The following GSTK1 variants were observed in gnomAD, a reference collection of about 807,000 sequenced individuals.
The protein encoded by GSTK1 is glutathione S-transferase kappa 1, also known as GST class-kappa.
GSTK1 carries 25 observed loss-of-function variants against 30.9 expected under a neutral mutation model. The observed-to-expected ratio is 0.81, with a 90% confidence interval of 0.59 to 1.13. GSTK1 has a LOEUF of 1.13. Among genes scored for constraint, GSTK1 ranks in the 50% most tolerant of loss-of-function variants. The probability of loss-of-function intolerance (pLI) is 0.00; values close to 1 mark genes in which losing one functional copy is unlikely to be tolerated. For synonymous variants in GSTK1, 108 were observed against 112.5 expected (o/e 0.96, Z 0.25); for missense variants, 292 against 292.4 (o/e 1.00, Z 0.01).
intron 4 of GSTK1, 76 bp from the exon 5 acceptor site, chr7:143,265,185 G>GC (rs771944896): frequency 6.8e-6 from 11 of 1,607,142 alleles, no homozygotes; most frequent in Admixed American, 5.1e-5. Context: ...TCCTGCCCCC[G>GC]CCCGGGGGAT....
chr7:143,268,709 C>T lies in GSTK1; in HGVS notation c.632-79C>T. The stretch of plus-strand genomic sequence containing the variant: ...CAAGCAAAAGTCTTTCTAGAAAACC[C>T]CTGGGACCTTGTGGGACCAACTCCT... On this transcript the variant is annotated intron_variant, in intron 7 of 7. Transcript: ENST00000358406. This position sits in a 1 kb window ranked among gnomAD's most constrained non-coding sequence, Gnocchi z 4.1. 1 of 1,309,158 alleles carries T rather than the reference C, an allele frequency of 7.6e-7. No homozygotes were observed. The highest frequency in any genetic ancestry group is 2.3e-5 in the East Asian group (1 of 43,400). The allele number at this position is 1,309,158 out of a possible 1,614,324, so 81.1% of individuals were successfully genotyped here.
At chr7:143,267,305 A>G (rs1170817685) in intron 5 of GSTK1, among the ~76,000 whole-genome samples, 1 of 152,206 alleles carries the variant, frequency 6.6e-6, no homozygotes, top group Non-Finnish European at 1.5e-5. Context: ...TGAGCAAGTA[A>G]TGTATCACCT....
chr7:143,264,214 A>G (rs374021895), intron 2 of GSTK1, 47 bp downstream of exon 2: 1 of 1,503,184 alleles, frequency 6.7e-7, no homozygotes, highest in Non-Finnish European at 9.3e-7. Flanking sequence ...GGCCCAAGAG[A>G]GCCGACCCCA....
At chr7:143,267,494 T>C (rs1181250305) in intron 5 of GSTK1, 123 bp from the exon 6 acceptor site, 3 of 715,110 alleles carry the variant, frequency 4.2e-6, no homozygotes, top group African/African-American at 3.5e-5. Flanking sequence ...TCTCCACTTG[T>C]GGGTGGGTAA....
At chr7:143,266,066 T>C (rs1800870893) in intron 5 of GSTK1, among the ~76,000 whole-genome samples, 1 of 144,638 alleles carries the variant, frequency 6.9e-6, no homozygotes, top group Non-Finnish European at 1.5e-5. Context: ...GGTCTGGCTC[T>C]GTCGCCCAGG....
intron 3 of GSTK1, 56 bp downstream of exon 3, chr7:143,264,732 T>C (rs1011044671): frequency 1.0e-4 from 165 of 1,603,284 alleles, no homozygotes; most frequent in Non-Finnish European, 1.3e-4. Flanking sequence ...AAGTCGGAGA[T>C]TGAGGGATTG....
rs1043618696 is a variant in GSTK1 at position 143,268,707 on chromosome 7, C to T, written c.632-81C>T. ...GCCAAGCAAAAGTCTTTCTAGAAAA[C>T]CCCTGGGACCTTGTGGGACCAACTC... On this transcript the variant is annotated intron_variant, in intron 7 of 7. Coordinates refer to ENST00000358406, the MANE Select transcript of GSTK1 (RefSeq NM_015917.3). This position sits in a 1 kb window ranked among gnomAD's most constrained non-coding sequence, Gnocchi z 4.1. The T allele has an allele frequency of 3.1e-6, 4 of 1,277,918 alleles. No individual in the cohort carries two copies. In the African/African-American group the frequency reaches 4.4e-5, roughly 14 times the overall value. The allele number at this position is 1,277,918 out of a possible 1,614,324, so 79.2% of individuals were successfully genotyped here.
At position 143,263,566 on chromosome 7, in the gene GSTK1, A is replaced by G; in HGVS notation, c.53A>G (p.Tyr18Cys). 6 of 1,608,998 alleles carry G rather than the reference A, an allele frequency of 3.7e-6. No individual in the cohort carries two copies. Among genetic ancestry groups the G allele is most frequent in the Non-Finnish European group, 5.1e-6 (6 of 1,179,748 alleles). ...CTCTTCTATGACGTGCTGTCCCCCT[A>G]CTCCTGGCTGGGCTTCGAGGTGACG... ...VELFYDVLSP[Y>C]SWLGFEILCR... The change falls in exon 1 of 8, where the codon TAC becomes TGC. Residue 18 changes from tyrosine to cysteine, a missense_variant. By Grantham distance (194) the Tyr-to-Cys change is radical. Transcript: ENST00000358406.
At position 143,268,074 on chromosome 7, in the gene GSTK1, G is replaced by C. The variant is rs1402671857; in HGVS notation, c.538-17G>C. On this transcript the variant is annotated splice_polypyrimidine_tract_variant and intron_variant, in intron 6 of 7. Transcript: ENST00000358406. This position sits in a 1 kb window ranked among gnomAD's most constrained non-coding sequence, Gnocchi z 4.1. ...GCTCCTTTGCCTTCCTCCTTGCATT[G>C]TAACTGCTTTCTCCAGGCCTTTGGG... is the stretch of plus-strand genomic sequence containing the variant. 1 of 1,601,362 alleles carries C rather than the reference G, an allele frequency of 6.2e-7. No individual in the cohort carries two copies. The highest frequency in any genetic ancestry group is 1.7e-5 in the Admixed American group (1 of 58,724).
At chr7:143,264,409 A>G (rs1015226735) in intron 2 of GSTK1, 139 bp from the exon 3 acceptor site, 2 of 918,476 alleles carry the variant, frequency 2.2e-6, no homozygotes, top group Non-Finnish European at 3.4e-6. Flanking sequence ...GCACCATTGC[A>G]CTCCAGCCTG....
chr7:143,265,185 G>C (rs767532962), intron 4 of GSTK1, 76 bp from the exon 5 acceptor site: 1 of 1,607,142 alleles, frequency 6.2e-7, no homozygotes, highest in Admixed American at 1.7e-5. Context: ...TCCTGCCCCC[G>C]CCCGGGGGAT....
chr7:143,263,656 C>G, intron 1 of GSTK1, 71 bp downstream of exon 1: 2 of 1,431,808 alleles, frequency 1.4e-6, no homozygotes, highest in Non-Finnish European at 1.9e-6. Context: ...GCGCAGGGCT[C>G]CGGGACAGAG....
intron 5 of GSTK1, 101 bp from the exon 6 acceptor site, chr7:143,267,516 G>A: frequency 5.5e-6 from 5 of 902,998 alleles, no homozygotes; most frequent in Non-Finnish European, 9.0e-6. Flanking sequence ...GGCATTGCCA[G>A]CAAAACTTGG....
At chr7:143,265,345 C>T in intron 5 of GSTK1, 49 bp downstream of exon 5, 1 of 1,492,140 alleles carries the variant, frequency 6.7e-7, no homozygotes, top group East Asian at 2.4e-5. Context: ...AATCTGAGAA[C>T]AGTTGGCGTT....
chr7:143,265,580 C>T (rs1239203425), intron 5 of GSTK1, among the ~76,000 whole-genome samples: 2 of 152,098 alleles, frequency 1.3e-5, no homozygotes, highest in African/African-American at 4.8e-5. Context: ...GTGTTGGAAC[C>T]CCTGGATGGG....
intron 3 of GSTK1, 62 bp from the exon 4 acceptor site, chr7:143,264,930 G>A: frequency 6.5e-7 from 1 of 1,544,508 alleles, no homozygotes; most frequent in Non-Finnish European, 8.9e-7. Context: ...GCAAGGAAGA[G>A]CTAGTCCTCC....
chr7:143,264,367 C>A, intron 2 of GSTK1, 181 bp from the exon 3 acceptor site: 2 of 786,506 alleles, frequency 2.5e-6, no homozygotes, highest in Non-Finnish European at 4.2e-6. Context: ...TCGCTTGAAC[C>A]CAGGAGGCGG....
rs1265016825 is a variant in GSTK1 at position 143,264,099 on chromosome 7, A to G, written c.86A>G (p.Tyr29Cys). The stretch of plus-strand genomic sequence containing the variant: ...CTCTGCCCGCAGATCCTGTGCCGGT[A>G]TCAGAATATCTGGAACATCAACCTG... ...SWLGFEILCR[Y>C]QNIWNINLQL... The change falls in exon 2 of 8, where the codon TAT becomes TGT. Residue 29 changes from tyrosine to cysteine, a missense_variant. By Grantham distance (194) the Tyr-to-Cys change is radical (BLOSUM62 -2). Coordinates refer to ENST00000358406, the MANE Select transcript of GSTK1 (RefSeq NM_015917.3). 1.9e-6 allele frequency: 3 copies of G among 1,613,986 alleles called. No individual in the cohort carries two copies. The highest frequency in any genetic ancestry group is 1.7e-5 in the Admixed American group (1 of 60,016).
chr7:143,267,766 C>G, intron 6 of GSTK1, 33 bp downstream of exon 6: 2 of 1,419,958 alleles, frequency 1.4e-6, no homozygotes, highest in Non-Finnish European at 2.0e-6. Context: ...TCCCAGCACC[C>G]ATCCTGAAGA....
Sources: allele counts gnomAD v4.1 joint callset (sites outside exome capture counted in the v4.1 genomes callset), GRCh38; gene constraint gnomAD v4.1.1; non-coding constraint Gnocchi (gnomAD v3.1); transcripts MANE v1.5; gene names NCBI Gene and HGNC (gene_info 2026-07-23, HGNC 2026-07-21).